The following ULK4 variants were observed in gnomAD, a reference collection of about 807,000 sequenced individuals.
ULK4 encodes the protein unc-51 like kinase 4, also known as inactive serine/threonine-protein kinase ULK4.
In ULK4, 133 loss-of-function variants were observed where a neutral mutation model predicts 160.6. That is an observed-to-expected ratio of 0.83 (90% confidence interval 0.72 to 0.96). The LOEUF (loss-of-function observed/expected upper bound fraction) is 0.96, where lower values mean the gene tolerates loss of function less well. ULK4 is among the 40% of genes least tolerant of loss of function. The probability of loss-of-function intolerance (pLI) is 0.00; values close to 1 mark genes in which losing one functional copy is unlikely to be tolerated. For synonymous variants in ULK4, 534 were observed against 539.8 expected, an observed-to-expected ratio of 0.99 and a Z score of 0.15; for missense variants, 1,580 against 1,499.5, an observed-to-expected ratio of 1.05 and a Z score of -0.89.
chr3:41,905,790 A>G lies in ULK4; in HGVS notation c.1182+2055T>C, dbSNP rs553838421. Among the ~76,000 whole-genome samples, 20 of 152,294 alleles carry G rather than the reference A, an allele frequency of 1.3e-4. No individual in the cohort carries two copies. In the East Asian group the frequency reaches 3.9e-3, roughly 29 times the overall value. ...CACTAAGACATAGAAATTCACACCT[A>G]CTAGCTGGGCGCGGTGGCTCACGTC... On this transcript the variant is annotated intron_variant, in intron 12 of 36. Transcript: ENST00000301831.
intron 34 of ULK4, among the ~76,000 whole-genome samples, chr3:41,423,824 T>C (rs759790017): frequency 3.5e-4 from 54 of 152,316 alleles, no homozygotes; most frequent in Non-Finnish European, 5.4e-4. Flanking sequence ...GTGATCATGC[T>C]ACCCTGCCCG....
At chr3:41,567,056 A>G (rs1487944927) in intron 31 of ULK4, among the ~76,000 whole-genome samples, 3 of 152,132 alleles carry the variant, frequency 2.0e-5, no homozygotes, top group African/African-American at 7.2e-5. Context: ...TTCTGCTAAT[A>G]ACTAGTCCAA....
At chr3:41,700,020 C>T (rs753798478) in intron 27 of ULK4, among the ~76,000 whole-genome samples, 4 of 152,060 alleles carry the variant, frequency 2.6e-5, no homozygotes, top group South Asian at 2.1e-4. Context: ...CAACAAGTAA[C>T]GACCCAGCAA....
chr3:41,926,883 G>A (rs1384306169), intron 5 of ULK4, among the ~76,000 whole-genome samples: 1 of 152,178 alleles, frequency 6.6e-6, no homozygotes. Flanking sequence ...TGATGTACCT[G>A]AAAGTGATGG....
rs1054366091 is a variant in ULK4, at chr3:41,780,137, C to A, written c.2193+9524G>T. On this transcript the variant is annotated intron_variant, in intron 21 of 36. Coordinates refer to ENST00000301831, the MANE Select transcript of ULK4 (RefSeq NM_017886.4). ...TAGCAGCCTGGGCAGCATGGCGAAA[C>A]CCAGTCTCTACCGAAAATACAAAAA... Among the ~76,000 whole-genome samples, 8 of 151,742 alleles carry A rather than the reference C, an allele frequency of 5.3e-5. 1 individual carries two copies. Among genetic ancestry groups the A allele is most frequent in the African/African-American group, 9.7e-5 (4 of 41,382 alleles).
chr3:41,657,837 A>AAAAAAAAAACC (rs2035001220), intron 30 of ULK4, among the ~76,000 whole-genome samples: 1 of 146,056 alleles, frequency 6.8e-6, no homozygotes, highest in Admixed American at 6.8e-5. Context: ...AAAAAAAAAC[A>AAAAAAAAAACC]CACACCACTG....
chr3:41,759,044 G>A (rs2038901132), intron 21 of ULK4, among the ~76,000 whole-genome samples: 1 of 152,018 alleles, frequency 6.6e-6, no homozygotes, highest in African/African-American at 2.4e-5. Flanking sequence ...CTGAAACAAA[G>A]CAAGTAGAAA....
intron 34 of ULK4, among the ~76,000 whole-genome samples, chr3:41,413,410 T>C (rs1186637428): frequency 6.6e-6 from 1 of 152,212 alleles, no homozygotes; most frequent in Non-Finnish European, 1.5e-5. Flanking sequence ...AAAGGTTTAA[T>C]AGGCATAATT....
At chr3:41,842,617 C>T (rs181531777) in intron 17 of ULK4, among the ~76,000 whole-genome samples, 67 of 150,388 alleles carry the variant, frequency 4.5e-4, no homozygotes, top group Non-Finnish European at 6.1e-4. Flanking sequence ...TCCTTCTCTC[C>T]GACCATGGGA....
intron 18 of ULK4, among the ~76,000 whole-genome samples, chr3:41,823,686 T>C (rs1214735361): frequency 6.6e-6 from 1 of 152,142 alleles, no homozygotes; most frequent in Non-Finnish European, 1.5e-5. Context: ...TGACCTGAGA[T>C]TTTAATGTTT....
chr3:41,754,466 C>T lies in ULK4; in HGVS notation c.2216G>A (p.Arg739His), dbSNP rs757472548. Residue 739 changes from arginine (R) to histidine (H), a missense_variant, in exon 22 of 37, where the codon CGT becomes CAT. By Grantham distance (29) the Arg-to-His change is conservative (BLOSUM62 0). Transcript: ENST00000301831. The part of the protein sequence containing the change: ...QEKGFVSTII[R>H]LLDSPSTCIR... ...GCATGTTGAGGGGCTGTCAAGTAAA[C>T]GGATAATTGTGGAGACAAAACCCTG... The T allele has an allele frequency of 3.2e-5, 52 of 1,612,632 alleles. No homozygotes were observed. Among genetic ancestry groups the T allele is most frequent in the Admixed American group, 1.3e-4 (8 of 59,866 alleles).
chr3:41,327,455 ACTGGCTACCCACCTTCT>A (rs2080359435), intron 35 of ULK4, among the ~76,000 whole-genome samples: 1 of 152,078 alleles, frequency 6.6e-6, no homozygotes, highest in Non-Finnish European at 1.5e-5. Flanking sequence ...GCACCTGGTC[ACTGGCTACCCACCTTCT>A]CTGTAGTTTC....
chr3:41,659,177 C>A (rs114173226), intron 30 of ULK4, among the ~76,000 whole-genome samples: 2,926 of 152,222 alleles, frequency 0.019, 87 homozygotes, highest in African/African-American at 0.065. Flanking sequence ...ATTGGTACAA[C>A]CCACCTGGAA....
chr3:41,514,145 T>C (rs2085675970), intron 32 of ULK4, among the ~76,000 whole-genome samples: 1 of 152,144 alleles, frequency 6.6e-6, no homozygotes, highest in East Asian at 1.9e-4. Context: ...AAGGAAACCA[T>C]TTTGGAGGAA....
intron 21 of ULK4, among the ~76,000 whole-genome samples, chr3:41,765,114 T>C (rs1025342283): frequency 1.3e-5 from 2 of 152,142 alleles, no homozygotes; most frequent in African/African-American, 2.4e-5. Context: ...ACACGTTATG[T>C]TTATTGAGGC....
chr3:41,689,865 T>C lies in ULK4; in HGVS notation c.2782-8061A>G, dbSNP rs1575573214. 7.3e-5 allele frequency among the ~76,000 whole-genome samples: 11 copies of C among 150,130 alleles called. 1 individual carries two copies. In the Middle Eastern group the frequency reaches 0.017, roughly 234 times the overall value. ...GTGGGACTGTAAACTAGTTCAACCA[T>C]TGTGGAAGTCAGTGTGGCGATTCCT... On this transcript the variant is annotated intron_variant, in intron 27 of 36. Transcript: ENST00000301831.
rs183336313 is a variant in ULK4 at position 41,283,443 on chromosome 3, T to C, written c.3679-33869A>G. Among the ~76,000 whole-genome samples, 7 of 152,290 alleles carry C rather than the reference T, an allele frequency of 4.6e-5. No individual in the cohort carries two copies. The East Asian group carries it at 9.7e-4, about 21-fold the overall frequency. ...CTGGATTAAGAAAATGTGGCACATA[T>C]ACACCATGGAATACTATGCAGCCAT... On this transcript the variant is annotated intron_variant, in intron 35 of 36. Coordinates refer to ENST00000301831, the MANE Select transcript of ULK4 (RefSeq NM_017886.4).
chr3:41,718,849 T>C (rs1393201104), intron 22 of ULK4, among the ~76,000 whole-genome samples: 1 of 152,246 alleles, frequency 6.6e-6, no homozygotes, highest in Non-Finnish European at 1.5e-5. Context: ...GACTTATGCA[T>C]GCATTTGCGT....
At chr3:41,447,695 G>T (rs2083333474) in intron 34 of ULK4, among the ~76,000 whole-genome samples, 3 of 152,166 alleles carry the variant, frequency 2.0e-5, no homozygotes. Flanking sequence ...CTAGGGCTCG[G>T]TTTTTATGTA....
Sources: gnomAD v4.1 joint callset for allele counts (sites outside exome capture counted in the v4.1 genomes callset) on GRCh38, gnomAD v4.1.1 for gene constraint, MANE v1.5 for transcripts, NCBI Gene and HGNC (gene_info 2026-07-23, HGNC 2026-07-21) for gene names.